Variants in PTPRD observed in about 807,000 individuals in gnomAD.
PTPRD encodes the protein protein tyrosine phosphatase receptor type D.
A neutral mutation model predicts 214.5 loss-of-function variants in PTPRD; 34 were observed. The observed-to-expected ratio is 0.16, with a 90% CI of 0.12 to 0.21. PTPRD has a LOEUF of 0.21. Among genes scored for constraint, PTPRD ranks in the 10% least tolerant of loss-of-function variants. The pLI is 1.00. For missense variants in PTPRD, 2,545 were observed against 2,398.7 expected, an observed-to-expected ratio of 1.06 and a Z score of -1.27; for synonymous variants, 1,128 against 845.7, an observed-to-expected ratio of 1.33 and a Z score of -5.79.
intron 4 of PTPRD, among the ~76,000 whole-genome samples, chr9:10,016,413 ATTCT>A (rs149062810): frequency 0.055 from 8,261 of 151,354 alleles, 791 homozygotes; most frequent in African/African-American, 0.19. Flanking sequence ...AGATAGGGAA[ATTCT>A]TTCTTATTTC....
intron 4 of PTPRD, among the ~76,000 whole-genome samples, chr9:9,960,347 G>C (rs1200834696): frequency 6.6e-6 from 1 of 152,026 alleles, no homozygotes; most frequent in Non-Finnish European, 1.5e-5. Context: ...AACCCACGTA[G>C]AATAATTCTA....
At chr9:8,618,065 G>A (rs1307409986) in intron 14 of PTPRD, among the ~76,000 whole-genome samples, 2 of 152,134 alleles carry the variant, frequency 1.3e-5, no homozygotes, top group Non-Finnish European at 2.9e-5. Flanking sequence ...GAGTAGAACT[G>A]TGAGGATCTT....
chr9:10,402,287 A>T (rs2098281832), intron 2 of PTPRD, among the ~76,000 whole-genome samples: 1 of 151,718 alleles, frequency 6.6e-6, no homozygotes, highest in Non-Finnish European at 1.5e-5. Context: ...TGACAAAAAT[A>T]TTTATAACAA....
intron 3 of PTPRD, among the ~76,000 whole-genome samples, chr9:10,108,257 G>C (rs2098654787): frequency 6.6e-6 from 1 of 152,046 alleles, no homozygotes; most frequent in Non-Finnish European, 1.5e-5. Context: ...ATACATTGTA[G>C]ACTGGCTAAA....
intron 10 of PTPRD, among the ~76,000 whole-genome samples, chr9:9,127,889 C>G (rs909154798): frequency 3.3e-5 from 5 of 152,182 alleles, no homozygotes; most frequent in African/African-American, 1.2e-4. Context: ...CGTATATCTT[C>G]TAACTTTGCC....
chr9:9,089,986 T>C (rs935636805), intron 10 of PTPRD, among the ~76,000 whole-genome samples: 74 of 152,360 alleles, frequency 4.9e-4, no homozygotes, highest in African/African-American at 1.5e-3. Context: ...TGTGATATTT[T>C]GATACATGCA....
intron 10 of PTPRD, among the ~76,000 whole-genome samples, chr9:9,030,167 A>G (rs1277783434): frequency 1.3e-5 from 2 of 151,648 alleles, no homozygotes; most frequent in Non-Finnish European, 2.9e-5. Flanking sequence ...ATTATTTAGC[A>G]TCAATATACT....
At chr9:8,699,781 A>C (rs2098030124) in intron 12 of PTPRD, among the ~76,000 whole-genome samples, 1 of 152,056 alleles carries the variant, frequency 6.6e-6, no homozygotes, top group Non-Finnish European at 1.5e-5. Flanking sequence ...AGAAAAAAAA[A>C]AAAAGAACAC....
intron 16 of PTPRD, 78 bp downstream of exon 16, chr9:8,527,267 A>G: frequency 6.8e-7 from 1 of 1,466,638 alleles, no homozygotes; most frequent in South Asian, 1.2e-5. Context: ...CATGCCATGC[A>G]TTTTATTAAT....
Position 9,425,784 on chromosome 9 carries a change from T to G in PTPRD, c.-236-28302A>C, listed in dbSNP as rs1242942225. ...GGTTAGGAAAATCAGCATCTTGAAC[T>G]AATAACAAAACTGGAATTTCTTCAC... On this transcript the variant is annotated intron_variant, in intron 8 of 45. Coordinates refer to ENST00000381196, the MANE Select transcript of PTPRD (RefSeq NM_002839.4). Among the ~76,000 whole-genome samples the G allele has an allele frequency of 4.6e-5, 7 of 152,232 alleles. No homozygotes were observed. In the East Asian group the frequency reaches 1.3e-3, roughly 29 times the overall value.
intron 44 of PTPRD, among the ~76,000 whole-genome samples, chr9:8,330,834 TAAACTCTCTC>T (rs1229301018): frequency 6.6e-6 from 1 of 152,104 alleles, no homozygotes; most frequent in Non-Finnish European, 1.5e-5. Context: ...TATTTTTTAA[TAAACTCTCTC>T]AAGAGTTTCA....
intron 7 of PTPRD, among the ~76,000 whole-genome samples, chr9:9,613,135 C>CATACATAT (rs2094619869): frequency 2.1e-5 from 1 of 47,924 alleles, no homozygotes; most frequent in African/African-American, 8.7e-5. Context: ...TACATACATA[C>CATACATAT]ATATATATAT....
chr9:8,979,312 A>G (rs1394219910), intron 11 of PTPRD, among the ~76,000 whole-genome samples: 1 of 152,124 alleles, frequency 6.6e-6, no homozygotes, highest in African/African-American at 2.4e-5. Flanking sequence ...ATAAAAGTCT[A>G]TTGGACATTG....
At chr9:9,406,076 A>C (rs890183513) in intron 8 of PTPRD, among the ~76,000 whole-genome samples, 43 of 151,978 alleles carry the variant, frequency 2.8e-4, no homozygotes, top group African/African-American at 9.9e-4. Flanking sequence ...TTACCTTTGC[A>C]CTCTATTTAA....
intron 9 of PTPRD, among the ~76,000 whole-genome samples, chr9:9,344,521 G>T (rs993010541): frequency 6.6e-6 from 1 of 151,588 alleles, no homozygotes; most frequent in Non-Finnish European, 1.5e-5. Flanking sequence ...AAAAAAGAAA[G>T]CTAACTCATC....
chr9:8,671,625 T>G (rs1023863969), intron 12 of PTPRD, among the ~76,000 whole-genome samples: 1 of 152,166 alleles, frequency 6.6e-6, no homozygotes, highest in Non-Finnish European at 1.5e-5. Flanking sequence ...ATGCCTACAC[T>G]GAATACGGAA....
At chr9:8,474,320 A>G (rs899345554) in intron 30 of PTPRD, among the ~76,000 whole-genome samples, 1 of 152,024 alleles carries the variant, frequency 6.6e-6, no homozygotes, top group African/African-American at 2.4e-5. Flanking sequence ...TGCGGGGTTC[A>G]TGGCCTTCTT....
chr9:10,381,219 C>T (rs1156505346), intron 2 of PTPRD, among the ~76,000 whole-genome samples: 4 of 151,886 alleles, frequency 2.6e-5, no homozygotes, highest in Non-Finnish European at 5.9e-5. Flanking sequence ...GACCACACAT[C>T]GCCTTTACAA....
intron 4 of PTPRD, among the ~76,000 whole-genome samples, chr9:9,947,775 A>G (rs535120015): frequency 1.4e-5 from 2 of 146,204 alleles, no homozygotes; most frequent in Admixed American, 7.3e-5. Context: ...GACTTTTCCT[A>G]TAACATGTAT....
Sources: gnomAD v4.1 joint callset for allele counts (sites outside exome capture counted in the v4.1 genomes callset) on GRCh38, gnomAD v4.1.1 for gene constraint, MANE v1.5 for transcripts, NCBI Gene and HGNC (gene_info 2026-07-23, HGNC 2026-07-21) for gene names.